PCDH11X: variants seen among roughly 807,000 people sequenced by gnomAD.
The protein encoded by PCDH11X is protocadherin 11 X-linked.
PCDH11X carries 18 observed loss-of-function variants against 53.3 expected under a neutral mutation model. The observed-to-expected ratio is 0.34, with a 90% CI of 0.23 to 0.50. The LOEUF (loss-of-function observed/expected upper bound fraction) is 0.50. Ranked by LOEUF, PCDH11X falls within the 20% of genes least tolerant of loss-of-function variation. The pLI is 0.98. For synonymous variants in PCDH11X, 279 were observed against 393.3 expected, an observed-to-expected ratio of 0.71 and a Z score of 3.44; for missense variants, 570 against 1,032.4, an observed-to-expected ratio of 0.55 and a Z score of 6.14.
intron 6 of PCDH11X, among the ~76,000 whole-genome samples, chrX:92,110,598 G>A (rs1199057354): frequency 9.0e-6 from 1 of 111,511 alleles, no homozygotes. Flanking sequence ...AGACAAAATG[G>A]GGAAGGGGAA....
chrX:92,074,445 ACAAACCTC>A (rs1165777031), intron 6 of PCDH11X, among the ~76,000 whole-genome samples: 2 of 111,533 alleles, frequency 1.8e-5, no homozygotes, highest in East Asian at 5.7e-4. Context: ...AAGAGGAAAA[ACAAACCTC>A]CATGTTTCCT....
At chrX:91,970,093 T>C (rs772000708) in intron 6 of PCDH11X, among the ~76,000 whole-genome samples, 2 of 111,327 alleles carry the variant, frequency 1.8e-5, no homozygotes, top group African/African-American at 6.5e-5. Context: ...GAGTTGTTCG[T>C]TCCTCCTGGT....
chrX:92,564,767 T>C (rs1326622207), intron 10 of PCDH11X, among the ~76,000 whole-genome samples: 1 of 110,980 alleles, frequency 9.0e-6, no homozygotes, highest in Non-Finnish European at 1.9e-5. Context: ...AATGGACCAA[T>C]GGGATTTGGT....
At chrX:92,599,740 G>T (rs888044463) in intron 10 of PCDH11X, among the ~76,000 whole-genome samples, 7 of 111,683 alleles carry the variant, frequency 6.3e-5, no homozygotes, top group Admixed American at 1.9e-4. Flanking sequence ...TGGGTAACAG[G>T]CAGAGATTGG....
chrX:92,269,334 TC>T (rs2067901743), intron 8 of PCDH11X, among the ~76,000 whole-genome samples: 1 of 111,847 alleles, frequency 8.9e-6, no homozygotes, highest in Non-Finnish European at 1.9e-5. Flanking sequence ...AATTAAAAAA[TC>T]AAAAAAATTA....
At chrX:91,802,932 C>T (rs12390365) in intron 1 of PCDH11X, among the ~76,000 whole-genome samples, 1 of 109,608 alleles carries the variant, frequency 9.1e-6, no homozygotes, top group Non-Finnish European at 1.9e-5. Flanking sequence ...TACTTCTGGA[C>T]GAAGTGAGAT....
chrX:91,807,606 T>C (rs1032091697), intron 1 of PCDH11X, among the ~76,000 whole-genome samples: 5 of 111,250 alleles, frequency 4.5e-5, no homozygotes, highest in Non-Finnish European at 9.4e-5. Context: ...TTAGAATCTA[T>C]GTGTTAGCAA....
chrX:91,955,956 A>T (rs938885443), intron 6 of PCDH11X, among the ~76,000 whole-genome samples: 4 of 110,111 alleles, frequency 3.6e-5, no homozygotes, highest in Non-Finnish European at 5.7e-5. Context: ...TATTGGGTTC[A>T]TATATATTTA....
intron 10 of PCDH11X, among the ~76,000 whole-genome samples, chrX:92,547,823 C>A (rs754130912): frequency 9.1e-6 from 1 of 109,552 alleles, no homozygotes; most frequent in African/African-American, 3.3e-5. Context: ...CTTGGCTTCC[C>A]AGGTTTAGGC....
intron 9 of PCDH11X, among the ~76,000 whole-genome samples, chrX:92,429,108 A>C (rs1202464693): frequency 9.0e-6 from 1 of 111,193 alleles, no homozygotes; most frequent in Non-Finnish European, 1.9e-5. Flanking sequence ...CAATAACTGG[A>C]GCTAGCATAA....
intron 6 of PCDH11X, among the ~76,000 whole-genome samples, chrX:92,129,680 A>G (rs1178409570): frequency 9.0e-6 from 1 of 111,218 alleles, no homozygotes; most frequent in African/African-American, 3.3e-5. Flanking sequence ...AAACTTAGAA[A>G]GACCTGTTTT....
intron 7 of PCDH11X, among the ~76,000 whole-genome samples, chrX:92,237,193 C>G (rs185008146): frequency 1.1e-3 from 121 of 110,326 alleles, no homozygotes; most frequent in African/African-American, 3.9e-3. Context: ...ATTAATATAG[C>G]AAAATATCCT....
chrX:92,584,490 C>T (rs1470284883), intron 10 of PCDH11X, among the ~76,000 whole-genome samples: 2 of 110,833 alleles, frequency 1.8e-5, no homozygotes, highest in Non-Finnish European at 3.8e-5. Flanking sequence ...AACTTTTTCC[C>T]AAAGAAATTA....
intron 6 of PCDH11X, among the ~76,000 whole-genome samples, chrX:92,162,176 A>G (rs2065655778): frequency 1.0e-5 from 1 of 99,051 alleles, no homozygotes; most frequent in Admixed American, 1.1e-4. Flanking sequence ...TCTGGGGCTC[A>G]AGGTTGCTGT....
intron 6 of PCDH11X, among the ~76,000 whole-genome samples, chrX:92,192,221 CATAATT>C (rs1305881728): frequency 2.7e-5 from 3 of 112,350 alleles, no homozygotes; most frequent in Non-Finnish European, 3.8e-5. Flanking sequence ...AAAGTTAACT[CATAATT>C]GTAATAGCCG....
intron 5 of PCDH11X, among the ~76,000 whole-genome samples, chrX:91,858,357 A>G (rs1428889781): frequency 9.0e-6 from 1 of 111,437 alleles, no homozygotes; most frequent in Non-Finnish European, 1.9e-5. Context: ...CATGTCCTGG[A>G]GTCATTTTCC....
At chrX:91,809,942 G>A (rs1332507151) in intron 2 of PCDH11X, among the ~76,000 whole-genome samples, 2 of 110,481 alleles carry the variant, frequency 1.8e-5, no homozygotes, top group East Asian at 5.7e-4. Context: ...TATAATACAA[G>A]CAATTACCCC....
At chrX:92,240,328 G>A (rs2067242254) in intron 7 of PCDH11X, among the ~76,000 whole-genome samples, 2 of 111,946 alleles carry the variant, frequency 1.8e-5, no homozygotes, top group Admixed American at 9.6e-5. Flanking sequence ...GGCAGCACAC[G>A]ACATGGATAC....
intron 9 of PCDH11X, among the ~76,000 whole-genome samples, chrX:92,412,505 AATAGTATATATATATATATAT>A (rs1308333469): frequency 1.6e-5 from 1 of 63,261 alleles, no homozygotes; most frequent in African/African-American, 5.4e-5. Flanking sequence ...AAATAAAGAA[AATAGTATATATATATATATAT>A]ATATATATAT....
Sources: allele counts gnomAD v4.1 joint callset (sites outside exome capture counted in the v4.1 genomes callset), GRCh38; gene constraint gnomAD v4.1.1; transcripts MANE v1.5; gene names NCBI Gene and HGNC (gene_info 2026-07-23, HGNC 2026-07-21).